Variants in RYR3 observed in about 807,000 individuals in gnomAD.
RYR3 encodes brain ryanodine receptor-calcium release channel.
A neutral mutation model predicts 584.3 loss-of-function variants in RYR3; 207 were observed. The ratio of observed to expected loss-of-function variants is 0.35; its 90% CI spans 0.32 to 0.40. The LOEUF (loss-of-function observed/expected upper bound fraction) is 0.40. RYR3 is among the 10% of genes least tolerant of loss of function. The pLI is 1.00. For synonymous variants in RYR3, 2,416 were observed against 2,248.5 expected (o/e 1.07, Z -2.11); for missense variants, 5,616 against 6,089.2 (o/e 0.92, Z 2.59).
At chr15:33,666,828 G>T (rs1424303066) in intron 36 of RYR3, among the ~76,000 whole-genome samples, 1 of 152,208 alleles carries the variant, frequency 6.6e-6, no homozygotes, top group Non-Finnish European at 1.5e-5. Context: ...GGCATGACCT[G>T]CAGTGGAAAA....
At chr15:33,469,633 AAAAG>A (rs2048768774) in intron 1 of RYR3, among the ~76,000 whole-genome samples, 2 of 152,042 alleles carry the variant, frequency 1.3e-5, no homozygotes, top group African/African-American at 4.8e-5. Context: ...GGTAGACTGA[AAAAG>A]AAGCCTTTCA....
At chr15:33,527,113 A>G (rs1433647531) in intron 3 of RYR3, among the ~76,000 whole-genome samples, 1 of 152,082 alleles carries the variant, frequency 6.6e-6, no homozygotes, top group African/African-American at 2.4e-5. Context: ...TTAGAGAGGT[A>G]TGAGGGAACC....
At chr15:33,596,800 A>G (rs2059398961) in intron 16 of RYR3, among the ~76,000 whole-genome samples, 1 of 151,994 alleles carries the variant, frequency 6.6e-6, no homozygotes, top group South Asian at 2.1e-4. Flanking sequence ...ATAGAACACT[A>G]GAACTTATTC....
intron 38 of RYR3, among the ~76,000 whole-genome samples, chr15:33,688,924 A>T (rs554077630): frequency 1.2e-3 from 184 of 152,294 alleles, no homozygotes; most frequent in African/African-American, 4.2e-3. Context: ...ACACATGCGC[A>T]CATATGTTTA....
At chr15:33,518,231 G>A (rs1448365663) in intron 3 of RYR3, among the ~76,000 whole-genome samples, 3 of 152,082 alleles carry the variant, frequency 2.0e-5, no homozygotes, top group Non-Finnish European at 2.9e-5. Context: ...AGTCAGCAGT[G>A]GTCTGTCTCA....
Position 33,455,761 on chromosome 15 carries a change from A to AT in RYR3, c.52-17658_52-17657insT, listed in dbSNP as rs1335075236. Among the ~76,000 whole-genome samples the AT allele has an allele frequency of 2.6e-5, 4 of 152,302 alleles. No individual in the cohort carries two copies. The East Asian group carries it at 7.7e-4, about 29-fold the overall frequency. On this transcript the variant is annotated intron_variant, in intron 1 of 103. Coordinates refer to ENST00000634891, the MANE Select transcript of RYR3 (RefSeq NM_001036.6). ...CTGGATATTGGTCCTGGAAGAAAAA[A>AT]GTATTAGATACAAATGTCTACCTTG...
chr15:33,473,643 G>A, intron 2 of RYR3, 105 bp downstream of exon 2: 1 of 1,150,072 alleles, frequency 8.7e-7, no homozygotes, highest in East Asian at 2.5e-5. Context: ...CATTTGAAAG[G>A]ACACATTTAT....
intron 1 of RYR3, among the ~76,000 whole-genome samples, chr15:33,407,852 CAT>C (rs1448878131): frequency 6.6e-5 from 10 of 152,254 alleles, no homozygotes; most frequent in East Asian, 3.9e-4. Context: ...GGTTAGTTAA[CAT>C]GTGAGCATTT....
chr15:33,496,737 T>C (rs1190046522), intron 2 of RYR3, among the ~76,000 whole-genome samples: 1 of 152,148 alleles, frequency 6.6e-6, no homozygotes. Context: ...CTTGCCCATA[T>C]ATGAATAAAT....
Position 33,662,336 on chromosome 15 carries a change from T to C in RYR3, c.4806T>C (p.Leu1602=), listed in dbSNP as rs776012955. Residue 1602 remains leucine, a synonymous_variant, in exon 35 of 104, where the codon CTT becomes CTC. Coordinates refer to ENST00000634891, the MANE Select transcript of RYR3 (RefSeq NM_001036.6). ...ACAACAAGTACCTCCCCGGCCTCCT[T>C]CGATCTGGTTTCTATGACCTGCTCA... The part of the protein sequence containing the change: ...AIDNKYLPGL[L]RSGFYDLLIS... The C allele has an allele frequency of 2.5e-6, 4 of 1,612,324 alleles. No individual in the cohort carries two copies. In the Admixed American group the frequency reaches 6.7e-5, roughly 27 times the overall value.
chr15:33,799,931 G>T (rs79609760), intron 67 of RYR3, among the ~76,000 whole-genome samples: 105 of 74,658 alleles, frequency 1.4e-3, no homozygotes, highest in African/African-American at 5.9e-3. Flanking sequence ...AACAGTGGGG[G>T]TTTTTTGTTT....
chr15:33,672,020 G>A (rs1422264555), intron 38 of RYR3, among the ~76,000 whole-genome samples: 2 of 151,764 alleles, frequency 1.3e-5, no homozygotes, highest in Non-Finnish European at 2.9e-5. Flanking sequence ...CATCATGTTG[G>A]CCAGGTTGGT....
chr15:33,543,565 T>C, intron 7 of RYR3, 57 bp from the exon 8 acceptor site: 1 of 1,096,420 alleles, frequency 9.1e-7, no homozygotes, highest in South Asian at 1.2e-5. Context: ...TTTTTAAATA[T>C]GCCATTCTCT....
intron 16 of RYR3, among the ~76,000 whole-genome samples, chr15:33,593,074 T>C (rs917861741): frequency 2.6e-5 from 4 of 152,116 alleles, no homozygotes; most frequent in Non-Finnish European, 5.9e-5. Flanking sequence ...GATACACAAA[T>C]GGTTACATTC....
Position 33,811,032 on chromosome 15 carries a change from GA to G in RYR3, c.10256del (p.Lys3419SerfsTer7), listed in dbSNP as rs1392902004. The G allele has an allele frequency of 6.2e-7, 1 of 1,607,894 alleles. No homozygotes were observed. The highest frequency in any genetic ancestry group is 1.1e-5 in the South Asian group (1 of 89,126). On this transcript the variant is annotated frameshift_variant, in exon 72 of 104. Coordinates refer to ENST00000634891, the MANE Select transcript of RYR3 (RefSeq NM_001036.6). LOFTEE classifies it high-confidence loss of function. ...EHLRNNLHLQEKSDDPAVKWQ... is the reference protein window; with the variant it reads ...EHLRNNLHLQXKSDDPAVKWQ... ...TCTGCGGAACAACTTGCACTTGCAG[GA>G]AAAGGTGATGACTCAGGACAGCAGT...
chr15:33,753,439 C>G (rs1218596459), intron 57 of RYR3, among the ~76,000 whole-genome samples: 7 of 152,170 alleles, frequency 4.6e-5, no homozygotes, highest in Non-Finnish European at 1.0e-4. Flanking sequence ...ATGGCATTGG[C>G]TGCTTAAATC....
chr15:33,848,874 T>G (rs917296488), intron 94 of RYR3: 1 of 149,438 alleles, frequency 6.7e-6, no homozygotes, highest in Admixed American at 6.7e-5. Flanking sequence ...CTCCCTTTGT[T>G]GCCCAGGCTG....
chr15:33,584,446 T>C lies in RYR3; in HGVS notation c.1625T>C (p.Leu542Pro). 1 of 1,605,912 alleles carries C rather than the reference T, an allele frequency of 6.2e-7. No individual in the cohort carries two copies. Among genetic ancestry groups the C allele is most frequent in the South Asian group, 1.1e-5 (1 of 90,312 alleles). ...AATTGCGCTCAATTCTCCAATAACCTTGATTGGCTCATCAGTAAATTGGAC... is the reference window on the plus strand; with the variant it reads ...AATTGCGCTCAATTCTCCAATAACCCTGATTGGCTCATCAGTAAATTGGAC... ...RNNCAQFSNNLDWLISKLDRL... is the reference protein window; with the variant it reads ...RNNCAQFSNNPDWLISKLDRL... Residue 542 changes from leucine (L) to proline (P), a missense_variant, in exon 15 of 104, where the codon CTT (leucine) becomes CCT (proline). Coordinates refer to ENST00000634891, the MANE Select transcript of RYR3 (RefSeq NM_001036.6).
chr15:33,507,976 A>C (rs1010794209), intron 3 of RYR3, among the ~76,000 whole-genome samples: 1 of 152,162 alleles, frequency 6.6e-6, no homozygotes, highest in Non-Finnish European at 1.5e-5. Flanking sequence ...GGAATATTCA[A>C]ACTTCCTCAA....
Sources: allele counts gnomAD v4.1 joint callset (sites outside exome capture counted in the v4.1 genomes callset), GRCh38; gene constraint gnomAD v4.1.1; transcripts MANE v1.5; gene names NCBI Gene and HGNC (gene_info 2026-07-23, HGNC 2026-07-21).